The following PDE5A variants were observed in gnomAD, a reference collection of about 807,000 sequenced individuals.
PDE5A encodes the protein cGMP-specific 3',5'-cyclic phosphodiesterase.
In PDE5A, 67 loss-of-function variants were observed where a neutral mutation model predicts 110.2. That is an observed-to-expected ratio of 0.61 (90% CI 0.50 to 0.75). PDE5A has a LOEUF of 0.75. Ranked by LOEUF, PDE5A falls within the 30% of genes least tolerant of loss-of-function variation. The pLI, the probability that PDE5A is intolerant of heterozygous loss-of-function variation, is 0.00. For synonymous variants in PDE5A, 328 were observed against 351.2 expected (o/e 0.93, Z 0.74); for missense variants, 862 against 1,045.1 (o/e 0.82, Z 2.42).
intron 12 of PDE5A, among the ~76,000 whole-genome samples, chr4:119,524,871 T>G (rs2110472899): frequency 6.6e-6 from 1 of 152,278 alleles, no homozygotes; most frequent in East Asian, 1.9e-4. Context: ...AATTCCCTAG[T>G]ATCTCCAAAC....
intron 3 of PDE5A, among the ~76,000 whole-genome samples, chr4:119,578,144 C>G (rs1302846183): frequency 6.6e-6 from 1 of 151,992 alleles, no homozygotes; most frequent in Admixed American, 6.6e-5. Context: ...TGTGAAGGAC[C>G]TCTTCAAGGA....
intron 7 of PDE5A, among the ~76,000 whole-genome samples, chr4:119,560,028 CT>C (rs772267412): frequency 2.7e-4 from 41 of 152,290 alleles, no homozygotes; most frequent in Admixed American, 7.2e-4. Context: ...AGAAAAGGCC[CT>C]TCCTTGTACC....
At position 119,503,479 on chromosome 4, in the gene PDE5A, A is replaced by G. The variant is rs1025126749; in HGVS notation, c.2332-824T>C. ...ACATCTACAAGCCCCAGAAATCTCT[A>G]TGTTCTACTTGTTAATGTCTATTTA... is the stretch of plus-strand genomic sequence containing the variant. On this transcript the variant is annotated intron_variant, in intron 18 of 20. Coordinates refer to ENST00000354960, the MANE Select transcript of PDE5A (RefSeq NM_001083.4). Among the ~76,000 whole-genome samples the G allele has an allele frequency of 4.0e-5, 6 of 150,378 alleles. 1 individual carries two copies. The highest frequency in any genetic ancestry group is 4.4e-5 in the Non-Finnish European group (3 of 68,010).
chr4:119,511,182 A>C, intron 14 of PDE5A, 48 bp from the exon 15 acceptor site: 1 of 1,159,686 alleles, frequency 8.6e-7, no homozygotes, highest in Admixed American at 1.7e-5. Context: ...TTTCCTTAAT[A>C]TGCCATTTAT....
intron 14 of PDE5A, among the ~76,000 whole-genome samples, chr4:119,514,478 AC>A (rs1448467949): frequency 9.1e-6 from 1 of 109,346 alleles, no homozygotes; most frequent in African/African-American, 3.7e-5. Context: ...CTCCCAATCA[AC>A]CTTTTTTTTT....
At chr4:119,604,734 T>C (rs1729467420) in intron 2 of PDE5A, among the ~76,000 whole-genome samples, 1 of 152,170 alleles carries the variant, frequency 6.6e-6, no homozygotes, top group Non-Finnish European at 1.5e-5. Context: ...CCATTATTCA[T>C]TTACCCAGCT....
chr4:119,504,755 T>TCTAA (rs778420866), intron 17 of PDE5A, among the ~76,000 whole-genome samples, 156 bp from the exon 18 acceptor site: 6 of 152,118 alleles, frequency 3.9e-5, no homozygotes, highest in African/African-American at 1.4e-4. Context: ...TATATGAAAG[T>TCTAA]CTAACTAATA....
chr4:119,536,972 C>T (rs868053748), intron 11 of PDE5A, among the ~76,000 whole-genome samples: 1 of 152,152 alleles, frequency 6.6e-6, no homozygotes, highest in Non-Finnish European at 1.5e-5. Context: ...ACTTAAAACA[C>T]GCTCGGTATA....
chr4:119,589,257 GA>G (rs397944587), intron 3 of PDE5A, among the ~76,000 whole-genome samples: 114 of 143,652 alleles, frequency 7.9e-4, no homozygotes, highest in Middle Eastern at 3.5e-3. Context: ...ATAATCTAGA[GA>G]AAAAAAAAAA....
intron 12 of PDE5A, among the ~76,000 whole-genome samples, chr4:119,523,436 AT>A (rs1482498354): frequency 6.6e-6 from 1 of 152,086 alleles, no homozygotes; most frequent in East Asian, 1.9e-4. Context: ...TAGCATTAAC[AT>A]TTTTATTTCA....
In PDE5A at chr4:119,568,786, G is replaced by A. The variant is rs1728037361; in HGVS notation, c.832-1642C>T. ...GATGAGTTTCAAACAGATATAGAAA[G>A]TATTATGCAAAGTTTCTGATAAATA... On this transcript the variant is annotated intron_variant, in intron 3 of 20. Coordinates refer to ENST00000354960, the MANE Select transcript of PDE5A (RefSeq NM_001083.4). Among the ~76,000 whole-genome samples the A allele has an allele frequency of 4.6e-5, 7 of 152,078 alleles. No homozygotes were observed. In the South Asian group the frequency reaches 1.4e-3, roughly 31 times the overall value.
chr4:119,610,258 G>A (rs1192411584), intron 1 of PDE5A, among the ~76,000 whole-genome samples: 1 of 152,166 alleles, frequency 6.6e-6, no homozygotes, highest in East Asian at 1.9e-4. Context: ...TAGTGCCAAA[G>A]ACACTGATGC....
chr4:119,506,943 G>A (rs3822190), intron 16 of PDE5A, among the ~76,000 whole-genome samples: 39,728 of 151,254 alleles, frequency 0.26, 5,309 homozygotes, highest in East Asian at 0.38. Flanking sequence ...AGGAAATCCT[G>A]AGAGTGATTC....
chr4:119,621,655 CAGAT>C (rs916927690), intron 1 of PDE5A, among the ~76,000 whole-genome samples: 5 of 117,414 alleles, frequency 4.3e-5, no homozygotes, highest in South Asian at 2.9e-4. Flanking sequence ...GATAGACAGA[CAGAT>C]AGATAGTTAG....
At chr4:119,566,297 T>C (rs1400287430) in intron 4 of PDE5A, among the ~76,000 whole-genome samples, 1 of 152,164 alleles carries the variant, frequency 6.6e-6, no homozygotes, top group Non-Finnish European at 1.5e-5. Context: ...ATAACTGTCT[T>C]GTTTGAACGT....
At chr4:119,614,791 G>T (rs1729878052) in intron 1 of PDE5A, among the ~76,000 whole-genome samples, 1 of 152,098 alleles carries the variant, frequency 6.6e-6, no homozygotes, top group Non-Finnish European at 1.5e-5. Context: ...GCATTGAGAG[G>T]CTGCACTTTC....
chr4:119,501,078 AAATATAGGCGCCT>A (rs1480118939), intron 20 of PDE5A, 79 bp downstream of exon 20: 2 of 744,896 alleles, frequency 2.7e-6, no homozygotes, highest in East Asian at 5.1e-5. Context: ...TTTAGAAGCA[AAATATAGGCGCCT>A]AATATTAATC....
intron 3 of PDE5A, among the ~76,000 whole-genome samples, chr4:119,584,116 G>C (rs1254789655): frequency 1.3e-5 from 2 of 152,306 alleles, no homozygotes; most frequent in African/African-American, 4.8e-5. Flanking sequence ...AGGGTAACCA[G>C]AGTATATGGA....
At chr4:119,513,846 C>T (rs1198896059) in intron 14 of PDE5A, among the ~76,000 whole-genome samples, 6 of 152,162 alleles carry the variant, frequency 3.9e-5, no homozygotes, top group African/African-American at 1.4e-4. Context: ...GGGACTGTTT[C>T]ACATTAGAGA....
Sources: allele counts gnomAD v4.1 joint callset (sites outside exome capture counted in the v4.1 genomes callset), GRCh38; gene constraint gnomAD v4.1.1; transcripts MANE v1.5; gene names NCBI Gene and HGNC (gene_info 2026-07-23, HGNC 2026-07-21).